P2RY8: variants seen among roughly 807,000 people sequenced by gnomAD.
P2RY8 encodes S-geranylgeranyl-glutathione receptor P2RY8.
P2RY8 carries 6 observed loss-of-function variants against 10.0 expected under a neutral mutation model. That is an observed-to-expected ratio of 0.60 (90% CI 0.33 to 1.19). P2RY8 has a LOEUF of 1.19. Ranked by LOEUF, P2RY8 falls within the 50% of genes most tolerant of loss-of-function variation. The pLI is 0.04. For synonymous variants in P2RY8, 276 were observed against 252.5 expected (o/e 1.09, Z -0.88); for missense variants, 456 against 542.0 (o/e 0.84, Z 1.58).
intron 1 of P2RY8, among the ~76,000 whole-genome samples, chrX:1,506,213 G>A (rs768304720): frequency 3.3e-5 from 5 of 151,998 alleles, no homozygotes; most frequent in African/African-American, 4.8e-5. Flanking sequence ...GGCTGGTCTC[G>A]AACTCCTGAC....
rs1179994281 is a variant in P2RY8 at position 1,474,878 on chromosome X, G to GTGGATGGATGGA, written c.-24-8308_-24-8297dup. ...GATAGATGAATAGGTGTATGGGTGT[G>GTGGATGGATGGA]TGGATGGATGGATGGATGGATGGAT... On this transcript the variant is annotated intron_variant, in intron 1 of 1. Transcript: ENST00000381297. Among the ~76,000 whole-genome samples the GTGGATGGATGGA allele has an allele frequency of 3.5e-3, 460 of 133,178 alleles. 1 individual carries two copies. Among genetic ancestry groups the GTGGATGGATGGA allele is most frequent in the Non-Finnish European group, 4.7e-3 (292 of 62,222 alleles). The allele number at this position is 133,178 out of a possible 152,430, so 87.4% of individuals were successfully genotyped here. A position where few individuals can be genotyped will look rare whatever the true frequency, so the allele number is the denominator to read the frequency against.
chrX:1,498,208 C>T (rs2092135884), intron 1 of P2RY8, among the ~76,000 whole-genome samples: 2 of 151,720 alleles, frequency 1.3e-5, no homozygotes. Flanking sequence ...AGATCAAGAC[C>T]ATCCTGGCCA....
chrX:1,525,340 G>T (rs1254520075), intron 1 of P2RY8, among the ~76,000 whole-genome samples: 2 of 152,136 alleles, frequency 1.3e-5, no homozygotes, highest in Non-Finnish European at 2.9e-5. Flanking sequence ...ACTGCATTTG[G>T]GTGGGGACTT....
chrX:1,479,395 A>G (rs5948906), intron 1 of P2RY8, among the ~76,000 whole-genome samples: 82,333 of 152,078 alleles, frequency 0.54, 22,586 homozygotes, highest in South Asian at 0.65. Context: ...AAGTATTTTT[A>G]TGCATACCTG....
At chrX:1,476,018 G>T (rs2091868847) in intron 1 of P2RY8, among the ~76,000 whole-genome samples, 2 of 152,310 alleles carry the variant, frequency 1.3e-5, no homozygotes, top group South Asian at 4.1e-4. Context: ...CAGGGGCCAA[G>T]ACATCTTCTT....
chrX:1,498,128 C>G (rs1212853813), intron 1 of P2RY8, among the ~76,000 whole-genome samples: 1 of 151,980 alleles, frequency 6.6e-6, no homozygotes, highest in Non-Finnish European at 1.5e-5. Flanking sequence ...TTGATGAGGC[C>G]GGGCGCGGTG....
chrX:1,463,402 C>A lies in P2RY8; in HGVS notation c.*2077G>T, dbSNP rs749394803. The A allele has an allele frequency of 2.0e-3, 471 of 232,830 alleles. 2 individuals are homozygous for A. Among genetic ancestry groups the A allele is most frequent in the Non-Finnish European group, 3.3e-3 (394 of 117,828 alleles). 14.4% of individuals were successfully genotyped at this position (232,830 alleles called of 1,614,324 possible). A position where few individuals can be genotyped will look rare whatever the true frequency, so the allele number is the denominator to read the frequency against. Reference sequence around the variant, plus strand: ...GGATCCTTCCTGCCTCTCCCAGCTCCTGGGGGCTCCAGGTGTCCCTGGGCT... The same window carrying A: ...GGATCCTTCCTGCCTCTCCCAGCTCATGGGGGCTCCAGGTGTCCCTGGGCT... On this transcript the variant is annotated 3_prime_UTR_variant, in exon 2 of 2. Coordinates refer to ENST00000381297, the MANE Select transcript of P2RY8 (RefSeq NM_178129.5).
intron 1 of P2RY8, among the ~76,000 whole-genome samples, chrX:1,509,143 C>CTATT (rs1183363872): frequency 7.0e-6 from 1 of 142,578 alleles, no homozygotes; most frequent in African/African-American, 2.6e-5. Flanking sequence ...ATCTATCTAT[C>CTATT]ATCTATGTAT....
intron 1 of P2RY8, among the ~76,000 whole-genome samples, chrX:1,485,397 C>T (rs1199828030): frequency 6.6e-6 from 1 of 152,038 alleles, no homozygotes. Context: ...CCTTGGCCAC[C>T]CAAAATGCTA....
chrX:1,515,227 TTTATTA>T (rs1247624811), intron 1 of P2RY8, among the ~76,000 whole-genome samples: 10 of 150,106 alleles, frequency 6.7e-5, no homozygotes, highest in Admixed American at 4.0e-4. Context: ...TTTCTTTTCT[TTTATTA>T]TTATTATTTT....
At chrX:1,529,332 C>T (rs1158116160) in intron 1 of P2RY8, among the ~76,000 whole-genome samples, 1 of 152,136 alleles carries the variant, frequency 6.6e-6, no homozygotes, top group Admixed American at 6.6e-5. Context: ...CATTCTCTCC[C>T]TGAGACCTGG....
intron 1 of P2RY8, among the ~76,000 whole-genome samples, chrX:1,511,954 GTGTTC>G (rs1441841948): frequency 6.6e-6 from 1 of 152,146 alleles, no homozygotes; most frequent in Non-Finnish European, 1.5e-5. Flanking sequence ...AGGTGAGCAA[GTGTTC>G]TGCCTTCGGT....
intron 1 of P2RY8, among the ~76,000 whole-genome samples, chrX:1,512,494 C>A (rs1331521923): frequency 7.3e-6 from 1 of 136,468 alleles, no homozygotes; most frequent in African/African-American, 2.7e-5. Context: ...TTGCAGTGGG[C>A]TGAGATCATG....
At chrX:1,535,547 C>T (rs562554038) in intron 1 of P2RY8, among the ~76,000 whole-genome samples, 2 of 151,778 alleles carry the variant, frequency 1.3e-5, no homozygotes, top group South Asian at 2.1e-4. Flanking sequence ...CAAGGAGGAA[C>T]GGAACGGGAA....
chrX:1,493,405 AAG>A (rs1569537368), intron 1 of P2RY8, among the ~76,000 whole-genome samples: 5 of 11,376 alleles, frequency 4.4e-4, no homozygotes, highest in Non-Finnish European at 1.4e-3. Flanking sequence ...GGGAAGGAGG[AAG>A]GAGGAGGAAG....
At chrX:1,484,004 C>G (rs1178189164) in intron 1 of P2RY8, among the ~76,000 whole-genome samples, 1 of 151,346 alleles carries the variant, frequency 6.6e-6, no homozygotes, top group African/African-American at 2.4e-5. Context: ...CAAAGCTGGG[C>G]TCCCCTCAAC....
intron 1 of P2RY8, among the ~76,000 whole-genome samples, chrX:1,524,557 G>GCATGCATCCATC (rs1556685968): frequency 1.5e-5 from 1 of 64,886 alleles, no homozygotes; most frequent in Non-Finnish European, 3.1e-5. Flanking sequence ...ATCCATGCAT[G>GCATGCATCCATC]CATCCATCCA....
At chrX:1,509,855 A>G (rs1389906475) in intron 1 of P2RY8, among the ~76,000 whole-genome samples, 3 of 147,704 alleles carry the variant, frequency 2.0e-5, no homozygotes, top group Non-Finnish European at 4.5e-5. Context: ...TCTATCTATC[A>G]TCTATGTATC....
At chrX:1,513,248 T>TC (rs1225334545) in intron 1 of P2RY8, among the ~76,000 whole-genome samples, 1 of 151,140 alleles carries the variant, frequency 6.6e-6, no homozygotes, top group Non-Finnish European at 1.5e-5. Context: ...ATGTGCCACT[T>TC]TTTTTTTTAT....
Sources: gnomAD v4.1 joint callset for allele counts (sites outside exome capture counted in the v4.1 genomes callset) on GRCh38, gnomAD v4.1.1 for gene constraint, MANE v1.5 for transcripts, NCBI Gene and HGNC (gene_info 2026-07-23, HGNC 2026-07-21) for gene names.